CATSPERT: variants seen among roughly 807,000 people sequenced by gnomAD.
CATSPERT encodes the protein catsper channel auxiliary subunit tau.
At chr2:201,599,757 T>C in the CATSPERT span, among the ~76,000 whole-genome samples, 1 of 152,190 alleles carries the variant, frequency 6.6e-6, no homozygotes, top group Non-Finnish European at 1.5e-5. Flanking sequence ...AGGAAACAGA[T>C]TTTGATTATG....
the CATSPERT span, among the ~76,000 whole-genome samples, chr2:201,517,439 C>T: frequency 6.6e-6 from 1 of 152,170 alleles, no homozygotes; most frequent in Non-Finnish European, 1.5e-5. Context: ...TTCCAGAAAG[C>T]CATGTCTCTG....
chr2:201,573,590 T>C, the CATSPERT span, among the ~76,000 whole-genome samples: 1 of 152,190 alleles, frequency 6.6e-6, no homozygotes, highest in African/African-American at 2.4e-5. Context: ...AAATCCACAC[T>C]GATTTCTTGA....
the CATSPERT span, among the ~76,000 whole-genome samples, chr2:201,546,644 A>G: frequency 6.6e-6 from 1 of 152,164 alleles, no homozygotes; most frequent in Non-Finnish European, 1.5e-5. Flanking sequence ...AAAAGGGTAG[A>G]TGAAGATGTT....
chr2:201,511,866 A>AAC, the CATSPERT span: 1 of 150,784 alleles, frequency 6.6e-6, no homozygotes, highest in African/African-American at 2.4e-5. Flanking sequence ...AAAAAAAAAA[A>AAC]AAAAAAACTC....
At chr2:201,516,377 G>GA in the CATSPERT span, among the ~76,000 whole-genome samples, 1 of 152,126 alleles carries the variant, frequency 6.6e-6, no homozygotes, top group African/African-American at 2.4e-5. Context: ...AGGTGGAGGG[G>GA]AAAAAGAGAA....
chr2:201,498,156 C>T, the CATSPERT span, among the ~76,000 whole-genome samples: 3 of 152,084 alleles, frequency 2.0e-5, no homozygotes, highest in African/African-American at 2.4e-5. Flanking sequence ...GGAAGAATAG[C>T]GCACACGATT....
the CATSPERT span, among the ~76,000 whole-genome samples, chr2:201,516,695 C>T: frequency 1.3e-5 from 2 of 151,974 alleles, no homozygotes; most frequent in East Asian, 3.9e-4. Flanking sequence ...TAACTTTCTC[C>T]CCACAGTAAG....
the CATSPERT span, among the ~76,000 whole-genome samples, chr2:201,576,693 T>C: frequency 6.6e-6 from 1 of 151,814 alleles, no homozygotes; most frequent in Non-Finnish European, 1.5e-5. Context: ...GAACGGGAGG[T>C]ACTTAAGGAG....
At chr2:201,564,413 G>A in the CATSPERT span, among the ~76,000 whole-genome samples, 3 of 145,452 alleles carry the variant, frequency 2.1e-5, no homozygotes, top group Non-Finnish European at 4.5e-5. Flanking sequence ...GAGAATGTAA[G>A]AACTGACTGA....
chr2:201,585,027 G>A, the CATSPERT span, among the ~76,000 whole-genome samples: 266 of 152,252 alleles, frequency 1.7e-3, 1 homozygote, highest in African/African-American at 5.9e-3. Context: ...GAAGCTAAGA[G>A]ATAGTGAAAT....
chr2:201,585,204 G>C, the CATSPERT span, among the ~76,000 whole-genome samples: 1 of 151,912 alleles, frequency 6.6e-6, no homozygotes, highest in Non-Finnish European at 1.5e-5. Flanking sequence ...GGACACAGGG[G>C]AGGGGAACAT....
At chr2:201,579,324 C>T in the CATSPERT span, among the ~76,000 whole-genome samples, 1 of 152,046 alleles carries the variant, frequency 6.6e-6, no homozygotes, top group Non-Finnish European at 1.5e-5. Context: ...ACTGCAGCCT[C>T]GACCTCACTG....
At chr2:201,530,794 G>A in the CATSPERT span, among the ~76,000 whole-genome samples, 1 of 152,060 alleles carries the variant, frequency 6.6e-6, no homozygotes, top group Admixed American at 6.5e-5. Context: ...CATTTAGTGT[G>A]TCAGAGCTAG....
At chr2:201,543,405 T>C in the CATSPERT span, among the ~76,000 whole-genome samples, 1 of 152,212 alleles carries the variant, frequency 6.6e-6, no homozygotes, top group African/African-American at 2.4e-5. Context: ...AGAATTTTGA[T>C]AGAGATTGCA....
chr2:201,575,990 A>C, the CATSPERT span, among the ~76,000 whole-genome samples: 4 of 152,200 alleles, frequency 2.6e-5, no homozygotes, highest in Non-Finnish European at 4.4e-5. Context: ...TACAAACATA[A>C]GGAATGTTCA....
At chr2:201,586,365 G>GA in the CATSPERT span, among the ~76,000 whole-genome samples, 2 of 151,422 alleles carry the variant, frequency 1.3e-5, no homozygotes, top group Admixed American at 6.6e-5. Flanking sequence ...GAGGAAAGAA[G>GA]AAAAAAATAA....
At chr2:201,543,083 TC>T in the CATSPERT span, among the ~76,000 whole-genome samples, 1 of 152,198 alleles carries the variant, frequency 6.6e-6, no homozygotes, top group Non-Finnish European at 1.5e-5. Context: ...TATCCAGTTT[TC>T]CCAACACCAT....
chr2:201,505,213 G>A, the CATSPERT span, among the ~76,000 whole-genome samples: 1 of 152,098 alleles, frequency 6.6e-6, no homozygotes. Flanking sequence ...GATTCTTGTA[G>A]TTGTAACTAC....
At chr2:201,488,267 C>G in the CATSPERT span, among the ~76,000 whole-genome samples, 1 of 152,190 alleles carries the variant, frequency 6.6e-6, no homozygotes, top group Non-Finnish European at 1.5e-5. Flanking sequence ...CAATGCTGGC[C>G]AGATTACTTT....
Sources: gnomAD v4.1 joint callset for allele counts (sites outside exome capture counted in the v4.1 genomes callset) on GRCh38, gnomAD v4.1.1 for gene constraint, MANE v1.5 for transcripts, NCBI Gene and HGNC (gene_info 2026-07-23, HGNC 2026-07-21) for gene names.